Variants in XKR4 observed in about 807,000 individuals in gnomAD.
XKR4 encodes the protein XK related 4.
In XKR4, 12 loss-of-function variants were observed where a neutral mutation model predicts 53.9. That is an observed-to-expected ratio of 0.22 (90% CI 0.14 to 0.36). XKR4 has a LOEUF of 0.36. Ranked by LOEUF, XKR4 falls within the 10% of genes least tolerant of loss-of-function variation. XKR4 has a pLI of 1.00. For missense variants in XKR4, 799 were observed against 859.5 expected (o/e 0.93, Z 0.88); for synonymous variants, 354 against 362.4 (o/e 0.98, Z 0.26).
Position 55,532,117 on chromosome 8 carries a change from G to C in XKR4, c.*7890G>C, listed in dbSNP as rs1433409956. 1.3e-5 allele frequency: 2 copies of C among 152,164 alleles called. No homozygotes were observed. The highest frequency in any genetic ancestry group is 2.9e-5 in the Non-Finnish European group (2 of 68,028). The allele number at this position is 152,164 out of a possible 1,614,324, so 9.4% of individuals were successfully genotyped here. A position where few individuals can be genotyped will look rare whatever the true frequency, so the allele number is the denominator to read the frequency against. ...TGGTCAGGGAATATATAAACCCATT[G>C]GCCCTCTAAGGAGTAGAAGAAAAGA... is the stretch of plus-strand genomic sequence containing the variant. On this transcript the variant is annotated 3_prime_UTR_variant, in exon 3 of 3. Coordinates refer to ENST00000327381, the MANE Select transcript of XKR4 (RefSeq NM_052898.2).
At chr8:55,178,022 C>T (rs1228645350) in intron 1 of XKR4, among the ~76,000 whole-genome samples, 1 of 152,174 alleles carries the variant, frequency 6.6e-6, no homozygotes, top group African/African-American at 2.4e-5. Flanking sequence ...TTGAAACAAA[C>T]CCCTTTAATA....
intron 1 of XKR4, among the ~76,000 whole-genome samples, chr8:55,189,213 T>C (rs1436304288): frequency 2.0e-5 from 3 of 152,326 alleles, no homozygotes; most frequent in East Asian, 3.9e-4. Context: ...GCATACCTTG[T>C]TATATAGTAA....
At chr8:55,268,250 G>A (rs868542581) in intron 1 of XKR4, among the ~76,000 whole-genome samples, 1 of 152,122 alleles carries the variant, frequency 6.6e-6, no homozygotes, top group Non-Finnish European at 1.5e-5. Flanking sequence ...TTTTCATTTC[G>A]AGAAAGGGAA....
At chr8:55,375,822 A>G (rs548768323) in intron 2 of XKR4, among the ~76,000 whole-genome samples, 1 of 151,694 alleles carries the variant, frequency 6.6e-6, no homozygotes, top group African/African-American at 2.4e-5. Context: ...GCACCTGTCA[A>G]CCCATCACCT....
chr8:55,446,349 CT>C (rs200382007), intron 2 of XKR4, among the ~76,000 whole-genome samples: 35 of 148,950 alleles, frequency 2.3e-4, no homozygotes, highest in East Asian at 1.2e-3. Flanking sequence ...TGACTGATTT[CT>C]TTTTTTTTTG....
intron 1 of XKR4, among the ~76,000 whole-genome samples, chr8:55,285,960 C>A (rs1488733371): frequency 1.3e-5 from 2 of 152,208 alleles, no homozygotes; most frequent in Non-Finnish European, 2.9e-5. Context: ...AGTTTATTTT[C>A]TAATGCAGTT....
chr8:55,399,084 C>G (rs1362830752), intron 2 of XKR4, among the ~76,000 whole-genome samples: 1 of 152,134 alleles, frequency 6.6e-6, no homozygotes, highest in Non-Finnish European at 1.5e-5. Flanking sequence ...CTGGAAGTAG[C>G]GAGTGTTGTT....
At chr8:55,408,392 C>T (rs1804721022) in intron 2 of XKR4, among the ~76,000 whole-genome samples, 1 of 152,180 alleles carries the variant, frequency 6.6e-6, no homozygotes, top group Non-Finnish European at 1.5e-5. Context: ...CAAAAAAATG[C>T]TGGCTCAGAA....
chr8:55,403,935 C>T lies in XKR4; in HGVS notation c.1006+46058C>T, dbSNP rs115499262. ...TAGAACGCCAGGGCACACCTGGCTG[C>T]ACCCCTTCCAACCTGACCTGAATAT... On this transcript the variant is annotated intron_variant, in intron 2 of 2. Coordinates refer to ENST00000327381, the MANE Select transcript of XKR4 (RefSeq NM_052898.2). Among the ~76,000 whole-genome samples, 1,474 of 152,316 alleles carry T rather than the reference C, an allele frequency of 9.7e-3. 25 individuals carry two copies. The highest frequency in any genetic ancestry group is 0.033 in the African/African-American group (1,364 of 41,574).
chr8:55,421,364 A>G (rs888728050), intron 2 of XKR4, among the ~76,000 whole-genome samples: 4 of 152,240 alleles, frequency 2.6e-5, no homozygotes, highest in Admixed American at 6.5e-5. Flanking sequence ...CCACCTTGCC[A>G]TACGGTTTAC....
At chr8:55,489,641 G>T (rs1360935620) in intron 2 of XKR4, among the ~76,000 whole-genome samples, 1 of 151,144 alleles carries the variant, frequency 6.6e-6, no homozygotes, top group Non-Finnish European at 1.5e-5. Context: ...TTTTATACTA[G>T]ATCTATTCAC....
chr8:55,510,560 A>T (rs1806611196), intron 2 of XKR4, among the ~76,000 whole-genome samples: 1 of 152,062 alleles, frequency 6.6e-6, no homozygotes, highest in African/African-American at 2.4e-5. Flanking sequence ...GCAGATGGGA[A>T]TGAAGAGGAG....
intron 2 of XKR4, among the ~76,000 whole-genome samples, chr8:55,408,129 A>T (rs1804714456): frequency 6.6e-6 from 1 of 152,238 alleles, no homozygotes; most frequent in Admixed American, 6.5e-5. Context: ...CACAGGGGAA[A>T]AGCAGGCAAT....
chr8:55,359,878 T>G (rs1263668434), intron 2 of XKR4, among the ~76,000 whole-genome samples: 1 of 152,180 alleles, frequency 6.6e-6, no homozygotes, highest in African/African-American at 2.4e-5. Flanking sequence ...AAGAGTTAAG[T>G]TGCGTTTTTT....
At chr8:55,339,604 T>C (rs1240551540) in intron 1 of XKR4, among the ~76,000 whole-genome samples, 1 of 152,194 alleles carries the variant, frequency 6.6e-6, no homozygotes, top group Non-Finnish European at 1.5e-5. Context: ...GGCACCTTCT[T>C]TTTCTTTAAT....
intron 1 of XKR4, chr8:55,161,652 AAT>A (rs1475934632): frequency 4.4e-6 from 2 of 456,092 alleles, no homozygotes; most frequent in Non-Finnish European, 8.8e-6. Flanking sequence ...TGGGTAAGTG[AAT>A]ACTTGGACGG....
intron 1 of XKR4, among the ~76,000 whole-genome samples, chr8:55,193,484 C>A (rs1362721041): frequency 6.6e-6 from 1 of 152,160 alleles, no homozygotes; most frequent in Non-Finnish European, 1.5e-5. Context: ...GGGTCTCTCA[C>A]TGCCACACAT....
intron 1 of XKR4, among the ~76,000 whole-genome samples, chr8:55,190,275 C>T (rs1479531326): frequency 6.6e-6 from 1 of 152,146 alleles, no homozygotes; most frequent in African/African-American, 2.4e-5. Flanking sequence ...TTGTCTGTGC[C>T]TAACGATACA....
At chr8:55,365,709 A>C (rs1175269056) in intron 2 of XKR4, among the ~76,000 whole-genome samples, 83 of 96,042 alleles carry the variant, frequency 8.6e-4, no homozygotes, top group Non-Finnish European at 1.6e-3. Context: ...CTTCGTCTCA[A>C]AAAAAAAAAA....
Sources: allele counts gnomAD v4.1 joint callset (sites outside exome capture counted in the v4.1 genomes callset), GRCh38; gene constraint gnomAD v4.1.1; transcripts MANE v1.5; gene names NCBI Gene and HGNC (gene_info 2026-07-23, HGNC 2026-07-21).